ABCD3: variants seen among roughly 807,000 people sequenced by gnomAD.
ABCD3 encodes the protein ATP-binding cassette sub-family D member 3.
In ABCD3, 41 loss-of-function variants were observed where a neutral mutation model predicts 105.5. That is an observed-to-expected ratio of 0.39 (90% CI 0.30 to 0.50). The LOEUF (loss-of-function observed/expected upper bound fraction) is 0.50, where lower values mean the gene tolerates loss of function less well. Ranked by LOEUF, ABCD3 falls within the 20% of genes least tolerant of loss-of-function variation. The pLI is 0.84. For missense variants in ABCD3, 622 were observed against 806.3 expected (o/e 0.77, Z 2.77); for synonymous variants, 258 against 269.0 (o/e 0.96, Z 0.40).
chr1:94,494,511 T>G (rs1649701959), intron 16 of ABCD3, among the ~76,000 whole-genome samples: 1 of 152,218 alleles, frequency 6.6e-6, no homozygotes, highest in African/African-American at 2.4e-5. Context: ...CAAATGTTCT[T>G]CAGTTCTTTG....
intron 1 of ABCD3, among the ~76,000 whole-genome samples, chr1:94,436,488 G>T (rs1160230584): frequency 6.6e-6 from 1 of 151,968 alleles, no homozygotes; most frequent in Non-Finnish European, 1.5e-5. Flanking sequence ...TTTTTTGGTT[G>T]TACTGTATCT....
intron 21 of ABCD3, among the ~76,000 whole-genome samples, chr1:94,509,965 A>T (rs1320813950): frequency 6.6e-6 from 1 of 152,092 alleles, no homozygotes; most frequent in Non-Finnish European, 1.5e-5. Flanking sequence ...AATTTTTTGA[A>T]GGGCTTTTTA....
intron 20 of ABCD3, among the ~76,000 whole-genome samples, chr1:94,500,189 A>G (rs1650021019): frequency 6.6e-6 from 1 of 152,188 alleles, no homozygotes; most frequent in Non-Finnish European, 1.5e-5. Context: ...TGTTATGATG[A>G]CTAAACTTGT....
intron 20 of ABCD3, among the ~76,000 whole-genome samples, chr1:94,502,751 C>T (rs1224333445): frequency 6.6e-6 from 1 of 152,006 alleles, no homozygotes; most frequent in Admixed American, 6.6e-5. Flanking sequence ...CCACCTGCTT[C>T]GACCTCCCAA....
intron 22 of ABCD3, among the ~76,000 whole-genome samples, chr1:94,516,819 G>A (rs139273774): frequency 1.4e-3 from 210 of 151,918 alleles, no homozygotes; most frequent in Non-Finnish European, 2.4e-3. Flanking sequence ...TAGGAAATCA[G>A]GCTACAGGAA....
At chr1:94,418,385 T>C (rs1019748297), upstream of ABCD3, 19 of 1,149,964 alleles carry the variant, frequency 1.7e-5, no homozygotes, top group Non-Finnish European at 2.3e-5. Context: ...CCCTCTGCTC[T>C]CCTCCCAGTC....
chr1:94,491,677 C>T (rs943078607), intron 16 of ABCD3, among the ~76,000 whole-genome samples: 3 of 152,000 alleles, frequency 2.0e-5, no homozygotes, highest in African/African-American at 7.2e-5. Flanking sequence ...GGAAGAGCCG[C>T]ACAGTAGCGC....
chr1:94,436,527 TG>T (rs1035983110), intron 1 of ABCD3, among the ~76,000 whole-genome samples: 1 of 152,244 alleles, frequency 6.6e-6, no homozygotes, highest in Non-Finnish European at 1.5e-5. Context: ...GATATAGGCA[TG>T]CCTCATTTTA....
At chr1:94,425,095 T>A (rs1165412824) in intron 1 of ABCD3, among the ~76,000 whole-genome samples, 3 of 152,160 alleles carry the variant, frequency 2.0e-5, no homozygotes, top group African/African-American at 7.2e-5. Flanking sequence ...GCTGGACCAC[T>A]TATACCCCCT....
In ABCD3 at chr1:94,461,089, T is replaced by A. The variant is rs577751007; in HGVS notation, c.147+2446T>A. Among the ~76,000 whole-genome samples the A allele has an allele frequency of 2.0e-5, 3 of 152,284 alleles. No individual in the cohort carries two copies. In the South Asian group the frequency reaches 6.2e-4, roughly 32 times the overall value. ...AATAAAAAGGACACAATATGCACAC[T>A]GATAGCACATTTGTTAAATGTATAG... is the stretch of plus-strand genomic sequence containing the variant. On this transcript the variant is annotated intron_variant, in intron 2 of 22. Coordinates refer to ENST00000370214, the MANE Select transcript of ABCD3 (RefSeq NM_002858.4).
chr1:94,480,277 A>C, intron 8 of ABCD3, 187 bp from the exon 9 acceptor site: 1 of 643,754 alleles, frequency 1.6e-6, no homozygotes, highest in Non-Finnish European at 2.7e-6. Context: ...GGAAAAGCCC[A>C]TGAGTAGTAA....
At chr1:94,436,529 C>T (rs1271704852) in intron 1 of ABCD3, among the ~76,000 whole-genome samples, 1 of 152,042 alleles carries the variant, frequency 6.6e-6, no homozygotes, top group African/African-American at 2.4e-5. Flanking sequence ...TATAGGCATG[C>T]CTCATTTTAT....
chr1:94,427,147 A>G (rs975215487), intron 1 of ABCD3, among the ~76,000 whole-genome samples: 2 of 152,070 alleles, frequency 1.3e-5, no homozygotes, highest in Non-Finnish European at 2.9e-5. Context: ...TGGCATTCTG[A>G]CAGTATCCAT....
At position 94,489,747 on chromosome 1, in the gene ABCD3, T is replaced by C. The variant is rs1490254517; in HGVS notation, c.1180T>C (p.Leu394=). Residue 394 remains leucine (L), a synonymous_variant, in exon 14 of 23, where the codon TTA becomes CTA. Transcript: ENST00000370214. The part of the protein sequence containing the change: ...LAGFTARITE[L]MQVLKDLNHG... ...TAGTTTTACTGCTCGGATTACAGAA[T>C]TAATGCAAGTACTGAAGGATTTAAA... is the stretch of plus-strand genomic sequence containing the variant. The C allele has an allele frequency of 1.9e-6, 3 of 1,613,090 alleles. No individual in the cohort carries two copies. Among genetic ancestry groups the C allele is most frequent in the Non-Finnish European group, 2.5e-6 (3 of 1,179,348 alleles).
Position 94,460,766 on chromosome 1 carries a change from CTG to C in ABCD3, c.147+2125_147+2126del, listed in dbSNP as rs566698092. Among the ~76,000 whole-genome samples, 43 of 152,168 alleles carry C rather than the reference CTG, an allele frequency of 2.8e-4. No homozygotes were observed. The South Asian group carries it at 8.7e-3, about 31-fold the overall frequency. On this transcript the variant is annotated intron_variant, in intron 2 of 22. Transcript: ENST00000370214. The stretch of plus-strand genomic sequence containing the variant: ...CATCAAGATTGTTGTTCTTTAGTCT[CTG>C]TAATATTTCCTTCCTAGTCTTTGAA...
At chr1:94,397,596 C>G in the ABCD3 span, among the ~76,000 whole-genome samples, 1 of 152,172 alleles carries the variant, frequency 6.6e-6, no homozygotes, top group African/African-American at 2.4e-5. Context: ...CACATGATAT[C>G]AACATGTGCT....
intron 21 of ABCD3, among the ~76,000 whole-genome samples, chr1:94,509,564 T>C (rs1650551972): frequency 1.3e-5 from 2 of 152,244 alleles, no homozygotes; most frequent in Non-Finnish European, 2.9e-5. Context: ...GAAGGAATGG[T>C]ACCAGTTCCT....
intron 16 of ABCD3, among the ~76,000 whole-genome samples, chr1:94,492,299 A>T (rs1187490427): frequency 6.6e-6 from 1 of 152,152 alleles, no homozygotes; most frequent in Admixed American, 6.6e-5. Context: ...TAAAATAAAG[A>T]ATATAATTAT....
At chr1:94,459,938 G>T (rs1267884224) in intron 2 of ABCD3, among the ~76,000 whole-genome samples, 2 of 152,106 alleles carry the variant, frequency 1.3e-5, no homozygotes, top group Non-Finnish European at 2.9e-5. Flanking sequence ...TATCAGTATT[G>T]CATTCCTTTT....
Sources: allele counts gnomAD v4.1 joint callset (sites outside exome capture counted in the v4.1 genomes callset), GRCh38; gene constraint gnomAD v4.1.1; transcripts MANE v1.5; gene names NCBI Gene and HGNC (gene_info 2026-07-23, HGNC 2026-07-21).